DAPK1: variants seen among roughly 807,000 people sequenced by gnomAD.
The protein encoded by DAPK1 is death associated protein kinase 1, also known as death-associated protein kinase 1.
In DAPK1, 56 loss-of-function variants were observed where a neutral mutation model predicts 144.9. The ratio of observed to expected loss-of-function variants is 0.39; its 90% CI spans 0.31 to 0.48. The LOEUF (loss-of-function observed/expected upper bound fraction) is 0.48. Ranked by LOEUF, DAPK1 falls within the 20% of genes least tolerant of loss-of-function variation. The pLI, the probability that DAPK1 is intolerant of heterozygous loss-of-function variation, is 0.95. For missense variants in DAPK1, 1,454 were observed against 1,875.4 expected (o/e 0.78, Z 4.15); for synonymous variants, 690 against 749.0 (o/e 0.92, Z 1.29).
intron 21 of DAPK1, among the ~76,000 whole-genome samples, chr9:87,691,893 T>C (rs945112515): frequency 6.6e-6 from 1 of 152,126 alleles, no homozygotes; most frequent in Non-Finnish European, 1.5e-5. Flanking sequence ...ACTTTTCATG[T>C]GTCCTGATAT....
intron 2 of DAPK1, chr9:87,499,407 G>A (rs919032106): frequency 1.7e-5 from 8 of 463,010 alleles, no homozygotes; most frequent in Admixed American, 6.6e-5. Flanking sequence ...TTAATTGTCC[G>A]TGCTAACTCT....
At chr9:87,622,089 T>A (rs966038602) in intron 3 of DAPK1, among the ~76,000 whole-genome samples, 2 of 151,730 alleles carry the variant, frequency 1.3e-5, no homozygotes, top group African/African-American at 4.9e-5. Context: ...GTTGATGGCC[T>A]CTACCATTTT....
At chr9:87,617,749 C>T (rs151313861) in intron 3 of DAPK1, among the ~76,000 whole-genome samples, 10 of 152,324 alleles carry the variant, frequency 6.6e-5, no homozygotes, top group East Asian at 5.8e-4. Flanking sequence ...TCTCCAGTGG[C>T]CTACTCGACA....
At chr9:87,510,956 C>T (rs572908984) in intron 2 of DAPK1, among the ~76,000 whole-genome samples, 1 of 152,236 alleles carries the variant, frequency 6.6e-6, no homozygotes, top group East Asian at 1.9e-4. Context: ...GAGAGGTGGA[C>T]GCTATTTAAC....
At chr9:87,560,664 G>A (rs1157110177) in intron 2 of DAPK1, among the ~76,000 whole-genome samples, 1 of 121,666 alleles carries the variant, frequency 8.2e-6, no homozygotes, top group South Asian at 2.5e-4. Flanking sequence ...GTGTCAGAAC[G>A]TACTTTTTTT....
At chr9:87,562,948 G>T (rs1375681325) in intron 2 of DAPK1, among the ~76,000 whole-genome samples, 1 of 152,180 alleles carries the variant, frequency 6.6e-6, no homozygotes, top group Admixed American at 6.5e-5. Context: ...AACAAGTGCT[G>T]ACCTCTTAAA....
At position 87,568,118 on chromosome 9, in the gene DAPK1, A is replaced by G. The variant is rs565882840; in HGVS notation, c.63-36836A>G. On this transcript the variant is annotated intron_variant, in intron 2 of 25. Coordinates refer to ENST00000408954, the MANE Select transcript of DAPK1 (RefSeq NM_004938.4). ...AGAGTTGGCTCTGCAGACAGCAGTGAGGAGGAGTGAAGCCACCCAGGCATA... is the reference window on the plus strand; with the variant it reads ...AGAGTTGGCTCTGCAGACAGCAGTGGGGAGGAGTGAAGCCACCCAGGCATA... Among the ~76,000 whole-genome samples the G allele has an allele frequency of 9.9e-4, 151 of 152,326 alleles. 1 individual carries two copies. Among genetic ancestry groups the G allele is most frequent in the African/African-American group, 3.3e-3 (139 of 41,578 alleles).
chr9:87,706,434 CGA>C lies in DAPK1; in HGVS notation c.3365_3366del (p.Glu1122GlyfsTer73). 3 of 1,613,368 alleles carry C rather than the reference CGA, an allele frequency of 1.9e-6. No homozygotes were observed. Among genetic ancestry groups the C allele is most frequent in the Non-Finnish European group, 2.5e-6 (3 of 1,179,428 alleles). On this transcript the variant is annotated frameshift_variant, in exon 26 of 26. Transcript: ENST00000408954. LOFTEE classifies it high-confidence loss of function. The surrounding 1 kb of genome is among the most constrained non-coding windows in gnomAD (Gnocchi z 9.0). ...ACCGCTCCTGGGCTGATGAGGAGGA[CGA>C]GGTGATGGTGTATGGTGGCGTGCGC... ...LHRSWADEED[E>X]VMVYGGVRIV...
chr9:87,529,577 A>G (rs1250599001), intron 2 of DAPK1, among the ~76,000 whole-genome samples: 1 of 152,180 alleles, frequency 6.6e-6, no homozygotes, highest in Non-Finnish European at 1.5e-5. Context: ...TCTGGGGGAT[A>G]TATGGCACAG....
chr9:87,659,419 G>C (rs150612808), intron 18 of DAPK1, among the ~76,000 whole-genome samples: 329 of 152,306 alleles, frequency 2.2e-3, no homozygotes, highest in African/African-American at 7.4e-3. Context: ...TTGGGCACAG[G>C]TTCCAGTTAC....
chr9:87,572,222 C>A (rs1311934171), intron 2 of DAPK1, among the ~76,000 whole-genome samples: 1 of 152,336 alleles, frequency 6.6e-6, no homozygotes, highest in East Asian at 1.9e-4. Context: ...GCCTTTTATA[C>A]ATTAACACTT....
chr9:87,666,608 G>T (rs1227359385), intron 18 of DAPK1, among the ~76,000 whole-genome samples: 1 of 151,788 alleles, frequency 6.6e-6, no homozygotes, highest in Non-Finnish European at 1.5e-5. Context: ...TGAGTATCTG[G>T]AATTACAGGC....
chr9:87,621,020 CTG>C (rs1434460406), intron 3 of DAPK1, among the ~76,000 whole-genome samples: 1 of 152,218 alleles, frequency 6.6e-6, no homozygotes, highest in Non-Finnish European at 1.5e-5. Flanking sequence ...TCTTGTTTCT[CTG>C]TGCCTGAGCA....
intron 3 of DAPK1, among the ~76,000 whole-genome samples, chr9:87,625,624 G>C (rs2119064773): frequency 6.6e-6 from 1 of 152,324 alleles, no homozygotes; most frequent in Middle Eastern, 3.4e-3. Context: ...TCTGTGAGAT[G>C]CCATCTGCTG....
chr9:87,628,599 G>A (rs1390792219), intron 3 of DAPK1, among the ~76,000 whole-genome samples: 1 of 152,168 alleles, frequency 6.6e-6, no homozygotes, highest in Non-Finnish European at 1.5e-5. Flanking sequence ...AAATTAACAG[G>A]AAAGAACATT....
At chr9:87,498,186 G>A (rs1174746274) in intron 1 of DAPK1, 79 bp downstream of exon 1, 1 of 396,688 alleles carries the variant, frequency 2.5e-6, no homozygotes, top group African/African-American at 2.1e-5. Flanking sequence ...GCGCGGTGGG[G>A]TTTGTCCGGG....
intron 2 of DAPK1, among the ~76,000 whole-genome samples, chr9:87,564,042 C>G (rs1356324629): frequency 6.6e-6 from 1 of 152,206 alleles, no homozygotes; most frequent in Non-Finnish European, 1.5e-5. Flanking sequence ...CTTGGAGCTT[C>G]TTTTTCCTAT....
intron 2 of DAPK1, among the ~76,000 whole-genome samples, chr9:87,502,937 A>T (rs1489488773): frequency 6.6e-6 from 1 of 152,172 alleles, no homozygotes; most frequent in African/African-American, 2.4e-5. Context: ...GGATTAATGC[A>T]TGCCTCAATG....
chr9:87,580,399 A>G (rs1827710200), intron 2 of DAPK1, among the ~76,000 whole-genome samples: 1 of 152,212 alleles, frequency 6.6e-6, no homozygotes, highest in Admixed American at 6.5e-5. Flanking sequence ...TTTTCCAGAG[A>G]TGGCAACTGG....
Sources: allele counts gnomAD v4.1 joint callset (sites outside exome capture counted in the v4.1 genomes callset), GRCh38; gene constraint gnomAD v4.1.1; non-coding constraint Gnocchi (gnomAD v3.1); transcripts MANE v1.5; gene names NCBI Gene and HGNC (gene_info 2026-07-23, HGNC 2026-07-21).